Variants in LRP6 observed in about 807,000 individuals in gnomAD.
The protein encoded by LRP6 is low-density lipoprotein receptor-related protein 6.
In LRP6, 43 loss-of-function variants were observed where a neutral mutation model predicts 184.1. That is an observed-to-expected ratio of 0.23 (90% CI 0.18 to 0.30). The LOEUF is 0.30. LRP6 is among the 10% of genes least tolerant of loss of function. The pLI, the probability that LRP6 is intolerant of heterozygous loss-of-function variation, is 1.00. For missense variants in LRP6, 1,571 were observed against 2,005.3 expected (o/e 0.78, Z 4.14); for synonymous variants, 719 against 684.9 (o/e 1.05, Z -0.78).
intron 1 of LRP6, among the ~76,000 whole-genome samples, chr12:12,258,536 T>C (rs1865529595): frequency 6.6e-6 from 1 of 152,204 alleles, no homozygotes; most frequent in East Asian, 1.9e-4. Flanking sequence ...AAATGTAAAA[T>C]TTACAGTGCT....
chr12:12,245,503 A>C (rs981737355), intron 1 of LRP6, among the ~76,000 whole-genome samples: 1 of 152,186 alleles, frequency 6.6e-6, no homozygotes, highest in South Asian at 2.1e-4. Context: ...TATTATCAAT[A>C]ATGATGGTTT....
chr12:12,252,905 T>G (rs550191624), intron 1 of LRP6, among the ~76,000 whole-genome samples: 18 of 152,326 alleles, frequency 1.2e-4, no homozygotes, highest in African/African-American at 3.8e-4. Context: ...TCTTTAGATT[T>G]TCTCTCTGCA....
chr12:12,161,538 T>G (rs773353228), intron 10 of LRP6, among the ~76,000 whole-genome samples: 18 of 152,208 alleles, frequency 1.2e-4, no homozygotes, highest in Non-Finnish European at 2.5e-4. Context: ...CCAAAGTTGC[T>G]GGGATTACAA....
rs1197802468 is a variant in LRP6, at chr12:12,118,056, C to CA, written c.*3069dup. The CA allele has an allele frequency of 3.3e-5, 5 of 152,160 alleles. No individual in the cohort carries two copies. The highest frequency in any genetic ancestry group is 1.2e-4 in the African/African-American group (5 of 41,432). The allele number at this position is 152,160 out of a possible 1,614,324, so 9.4% of individuals were successfully genotyped here. A position where few individuals can be genotyped will look rare whatever the true frequency, so the allele number is the denominator to read the frequency against. On this transcript the variant is annotated 3_prime_UTR_variant, in exon 23 of 23. Coordinates refer to ENST00000261349, the MANE Select transcript of LRP6 (RefSeq NM_002336.3). ...AATCAGAGATCTCTTGGTAATGTAT[C>CA]ACAAGCTACTTTTATATTAAAATTA...
At chr12:12,249,575 G>A in intron 1 of LRP6, 1 of 424,376 alleles carries the variant, frequency 2.4e-6, no homozygotes, top group Admixed American at 4.0e-5. Context: ...AGACCTCAAA[G>A]TACTGGAAAG....
Position 12,264,541 on chromosome 12 carries a change from C to T in LRP6, c.55+2140G>A, listed in dbSNP as rs533542273. 3.9e-5 allele frequency among the ~76,000 whole-genome samples: 6 copies of T among 152,250 alleles called. No homozygotes were observed. In the East Asian group the frequency reaches 9.7e-4, roughly 25 times the overall value. On this transcript the variant is annotated intron_variant, in intron 1 of 22. Transcript: ENST00000261349. ...ACAGGGCTACAGGACAGAAGGTCTC[C>T]CAGACTCTCACATACCCCATCACAC... is the stretch of plus-strand genomic sequence containing the variant.
intron 3 of LRP6, among the ~76,000 whole-genome samples, chr12:12,202,267 G>A (rs1445988325): frequency 2.0e-5 from 3 of 152,232 alleles, no homozygotes; most frequent in Non-Finnish European, 2.9e-5. Flanking sequence ...TTTACACCAG[G>A]TGCTATGGCT....
chr12:12,244,715 A>G, intron 1 of LRP6, 60 bp from the exon 2 acceptor site: 1 of 1,560,328 alleles, frequency 6.4e-7, no homozygotes, highest in Non-Finnish European at 8.7e-7. Flanking sequence ...GGTTCTTATA[A>G]ACTGCGTTTC....
chr12:12,226,274 A>G (rs963134428), intron 2 of LRP6, among the ~76,000 whole-genome samples: 26 of 152,230 alleles, frequency 1.7e-4, no homozygotes, highest in African/African-American at 5.3e-4. Flanking sequence ...GATATATCAT[A>G]TCCAGCTTTC....
intron 15 of LRP6, among the ~76,000 whole-genome samples, chr12:12,147,116 G>A (rs189157785): frequency 7.3e-5 from 11 of 151,700 alleles, no homozygotes; most frequent in Admixed American, 1.3e-4. Flanking sequence ...GCAAGACTCC[G>A]TCTCAAAAAA....
intron 3 of LRP6, among the ~76,000 whole-genome samples, chr12:12,196,934 G>C (rs943585313): frequency 1.3e-5 from 2 of 151,994 alleles, no homozygotes; most frequent in East Asian, 3.8e-4. Flanking sequence ...TTATAAAATG[G>C]TGGTATTGCA....
intron 2 of LRP6, among the ~76,000 whole-genome samples, chr12:12,205,190 G>A (rs1362316745): frequency 1.3e-5 from 2 of 151,612 alleles, no homozygotes; most frequent in Non-Finnish European, 2.9e-5. Flanking sequence ...TCAGTCAGGT[G>A]CATGTAACCC....
chr12:12,122,598 T>C (rs1345074940), intron 22 of LRP6, among the ~76,000 whole-genome samples: 4 of 152,030 alleles, frequency 2.6e-5, no homozygotes, highest in East Asian at 3.9e-4. Context: ...CTACTGCATT[T>C]GATTAGTCTT....
chr12:12,120,932 C>A lies in LRP6; in HGVS notation c.*194G>T, dbSNP rs902368780. 1.3e-5 allele frequency: 6 copies of A among 465,444 alleles called. No individual in the cohort carries two copies. In the Admixed American group the frequency reaches 1.9e-4, roughly 15 times the overall value. The allele number at this position is 465,444 out of a possible 1,614,324, so 28.8% of individuals were successfully genotyped here. ...TTTTATGGCACAAGCAGCAAATCTGCTGTTTTAAGAAAATATATAAATATC... is the reference window on the plus strand; with the variant it reads ...TTTTATGGCACAAGCAGCAAATCTGATGTTTTAAGAAAATATATAAATATC... On this transcript the variant is annotated 3_prime_UTR_variant, in exon 23 of 23. Coordinates refer to ENST00000261349, the MANE Select transcript of LRP6 (RefSeq NM_002336.3).
rs1323289035 is a variant in LRP6 at position 12,244,580 on chromosome 12, G to A, written c.131C>T (p.Thr44Met). The A allele has an allele frequency of 3.2e-5, 51 of 1,613,926 alleles. 1 individual carries two copies. Among genetic ancestry groups the A allele is most frequent in the Non-Finnish European group, 4.1e-5 (48 of 1,179,992 alleles). The change falls in exon 2 of 23, where the codon ACG becomes ATG. Residue 44 changes from threonine (T) to methionine (M), a missense_variant. Thr to Met is a moderately conservative substitution (Grantham distance 81). Coordinates refer to ENST00000261349, the MANE Select transcript of LRP6 (RefSeq NM_002336.3). Reference protein sequence around the residue: ...VDATNGKENATIVVGGLEDAA... With the variant: ...VDATNGKENAMIVVGGLEDAA... ...ATCCTCCAAGCCTCCAACTACAATC[G>A]TAGCATTCTCTTTGCCATTTGTAGC...
rs142430729 is a variant in LRP6 at position 12,163,421 on chromosome 12, C to T, written c.2052+852G>A. On this transcript the variant is annotated intron_variant, in intron 9 of 22. Transcript: ENST00000261349. ...CAACACCCCATGTTTTCGCATATTA[C>T]AAAAAAGTTTACATGAGTTATCTGA... is the stretch of plus-strand genomic sequence containing the variant. Among the ~76,000 whole-genome samples, 37 of 152,224 alleles carry T rather than the reference C, an allele frequency of 2.4e-4. No homozygotes were observed. In the East Asian group the frequency reaches 6.8e-3, roughly 28 times the overall value.
chr12:12,182,327 C>A (rs1234487123), intron 5 of LRP6, among the ~76,000 whole-genome samples: 7 of 152,092 alleles, frequency 4.6e-5, no homozygotes, highest in African/African-American at 1.7e-4. Context: ...ATTTTTATTT[C>A]ACTGAATTTT....
Position 12,119,999 on chromosome 12 carries a change from ATATATATATATATAT to A in LRP6, c.*1112_*1126del, listed in dbSNP as rs1949578465. 1 of 43,966 alleles carries A rather than the reference ATATATATATATATAT, an allele frequency of 2.3e-5. No individual in the cohort carries two copies. Among genetic ancestry groups the A allele is most frequent in the East Asian group, 1.0e-3 (1 of 992 alleles). 2.7% of individuals were successfully genotyped at this position (43,966 alleles called of 1,614,324 possible). On this transcript the variant is annotated 3_prime_UTR_variant, in exon 23 of 23. Transcript: ENST00000261349. The stretch of plus-strand genomic sequence containing the variant: ...ACAAACAAACAAACAAAATATATAT[ATATATATATATATAT>A]ATATATATATATATATATATATATA...
chr12:12,173,297 A>G (rs1317681945), intron 7 of LRP6, among the ~76,000 whole-genome samples: 2 of 152,174 alleles, frequency 1.3e-5, no homozygotes, highest in African/African-American at 2.4e-5. Context: ...TCAACAAGGG[A>G]AAACTGCCCT....
Sources: gnomAD v4.1 joint callset for allele counts (sites outside exome capture counted in the v4.1 genomes callset) on GRCh38, gnomAD v4.1.1 for gene constraint, MANE v1.5 for transcripts, NCBI Gene and HGNC (gene_info 2026-07-23, HGNC 2026-07-21) for gene names.